The following ACADL variants were observed in gnomAD, a reference collection of about 807,000 sequenced individuals.
ACADL encodes the protein acyl-CoA dehydrogenase long chain, also known as long-chain specific acyl-CoA dehydrogenase, mitochondrial.
Under a neutral mutation model 56.9 loss-of-function variants are expected in ACADL, and 60 were observed. The observed-to-expected ratio is 1.05, with a 90% CI of 0.86 to 1.31. The LOEUF is 1.31. Ranked by LOEUF, ACADL falls within the 50% of genes most tolerant of loss-of-function variation. ACADL has a pLI of 0.00. For missense variants in ACADL, 484 were observed against 525.5 expected (o/e 0.92, Z 0.77); for synonymous variants, 158 against 179.7 (o/e 0.88, Z 0.97).
rs1344244041 is a variant in ACADL at position 210,195,333 on chromosome 2, C to T, written c.990G>A (p.Val330=). 15 of 1,611,876 alleles carry T rather than the reference C, an allele frequency of 9.3e-6. No individual in the cohort carries two copies. Among genetic ancestry groups the T allele is most frequent in the Non-Finnish European group, 1.3e-5 (15 of 1,178,214 alleles). Reference sequence around the variant, plus strand: ...TTTTTAATTCTGCTAATTTATGTTGCACTGTCTTGAATTTAAAGGAAATAA... The same window carrying T: ...TTTTTAATTCTGCTAATTTATGTTGTACTGTCTTGAATTTAAAGGAAATAA... The part of the protein sequence containing the change: ...FGKTVAHLQT[V]QHKLAELKTH... Residue 330 remains valine, a synonymous_variant, in exon 9 of 11, where the codon GTG becomes GTA. Transcript: ENST00000233710.
At chr2:210,213,832 A>T (rs1689028641) in intron 4 of ACADL, among the ~76,000 whole-genome samples, 1 of 152,138 alleles carries the variant, frequency 6.6e-6, no homozygotes, top group African/African-American at 2.4e-5. Context: ...TTTCCTTCTT[A>T]TACAGAAATC....
chr2:210,219,361 G>T (rs1689139737), intron 2 of ACADL, among the ~76,000 whole-genome samples: 1 of 152,168 alleles, frequency 6.6e-6, no homozygotes, highest in South Asian at 2.1e-4. Context: ...CACTTTGGGA[G>T]GCTAAGGCAG....
At chr2:210,215,708 G>A (rs147667740) in intron 4 of ACADL, among the ~76,000 whole-genome samples, 379 of 152,144 alleles carry the variant, frequency 2.5e-3, no homozygotes, top group African/African-American at 8.8e-3. Context: ...ATCTAAATTC[G>A]TTTTTCCCTA....
chr2:210,207,472 T>G (rs1688905670), intron 5 of ACADL, among the ~76,000 whole-genome samples: 2 of 152,134 alleles, frequency 1.3e-5, no homozygotes, highest in African/African-American at 4.8e-5. Flanking sequence ...CCTATGAGTC[T>G]TTGAAAATCT....
chr2:210,211,298 T>A (rs1018764839), intron 4 of ACADL, among the ~76,000 whole-genome samples: 1 of 152,210 alleles, frequency 6.6e-6, no homozygotes, highest in Non-Finnish European at 1.5e-5. Flanking sequence ...AATAATCCCC[T>A]ATTGTTAAAA....
chr2:210,190,916 G>GT (rs1262473281), intron 10 of ACADL, among the ~76,000 whole-genome samples: 1 of 110,162 alleles, frequency 9.1e-6, no homozygotes, highest in Non-Finnish European at 1.8e-5. Context: ...TGTTGTTGTT[G>GT]TTGTTTGTTT....
chr2:210,203,302 C>A (rs1367261646), intron 8 of ACADL, 29 bp downstream of exon 8: 4 of 1,469,622 alleles, frequency 2.7e-6, no homozygotes, highest in Non-Finnish European at 3.8e-6. Flanking sequence ...CTGATACCAT[C>A]TAATACTAAA....
At chr2:210,216,017 C>T (rs113138672) in intron 4 of ACADL, among the ~76,000 whole-genome samples, 79 of 152,288 alleles carry the variant, frequency 5.2e-4, no homozygotes, top group African/African-American at 1.9e-3. Context: ...CCTATTGCTA[C>T]TCCATCCTTG....
At chr2:210,219,820 CAT>C (rs1375862055) in intron 2 of ACADL, among the ~76,000 whole-genome samples, 18 of 151,892 alleles carry the variant, frequency 1.2e-4, no homozygotes, top group Non-Finnish European at 2.9e-5. Flanking sequence ...TAATATATTA[CAT>C]GAGTTATTTA....
At chr2:210,216,576 A>G in intron 3 of ACADL, 65 bp from the exon 4 acceptor site, 2 of 1,439,978 alleles carry the variant, frequency 1.4e-6, no homozygotes, top group South Asian at 2.4e-5. Flanking sequence ...TATTATAACA[A>G]CAATGTATTA....
chr2:210,225,117 C>A, intron 1 of ACADL, 70 bp downstream of exon 1: 2 of 1,525,784 alleles, frequency 1.3e-6, no homozygotes, highest in Non-Finnish European at 1.7e-6. Context: ...AAGCCAGCGA[C>A]AGGAGTGACT....
chr2:210,188,819 A>G lies in ACADL; in HGVS notation c.*142T>C, dbSNP rs539854495. Reference sequence around the variant, plus strand: ...TTTGTCCTTCCACTGTGTTAATCTTATATTTATATTTTATTTCCTTCTCTA... The same window carrying G: ...TTTGTCCTTCCACTGTGTTAATCTTGTATTTATATTTTATTTCCTTCTCTA... On this transcript the variant is annotated 3_prime_UTR_variant, in exon 11 of 11. Coordinates refer to ENST00000233710, the MANE Select transcript of ACADL (RefSeq NM_001608.4). 3 of 675,052 alleles carry G rather than the reference A, an allele frequency of 4.4e-6. No homozygotes were observed. The highest frequency in any genetic ancestry group is 2.9e-5 in the East Asian group (1 of 34,874). 41.8% of individuals were successfully genotyped at this position (675,052 alleles called of 1,614,324 possible).
chr2:210,225,076 ACT>A, intron 1 of ACADL, 109 bp downstream of exon 1: 1 of 1,509,120 alleles, frequency 6.6e-7, no homozygotes, highest in Non-Finnish European at 8.8e-7. Context: ...GTTGGGGAGC[ACT>A]CCCAGCCGCG....
At chr2:210,206,251 A>G (rs764603002) in intron 5 of ACADL, among the ~76,000 whole-genome samples, 2 of 152,152 alleles carry the variant, frequency 1.3e-5, no homozygotes, top group Non-Finnish European at 2.9e-5. Flanking sequence ...CAGCCTTGCC[A>G]AAATAGTAGA....
At chr2:210,224,075 G>T (rs2125720631) in intron 1 of ACADL, among the ~76,000 whole-genome samples, 1 of 152,048 alleles carries the variant, frequency 6.6e-6, no homozygotes, top group Non-Finnish European at 1.5e-5. Context: ...AAAAAGATCA[G>T]CCGGGTGTGG....
chr2:210,192,913 A>G (rs1217656364), intron 9 of ACADL, 23 bp from the exon 10 acceptor site: 2 of 1,586,690 alleles, frequency 1.3e-6, no homozygotes, highest in Non-Finnish European at 8.7e-7. Context: ...AATAAAAGGC[A>G]GAAAAGAAAT....
Position 210,205,625 on chromosome 2 carries a change from C to T in ACADL, c.768+7G>A, listed in dbSNP as rs1688873745. 1 of 1,612,986 alleles carries T rather than the reference C, an allele frequency of 6.2e-7. No homozygotes were observed. ...AGTATCTGAATATGATTTACATTAT[C>T]ACTCACCTGGGCTTTTAATCCCATT... On this transcript the variant is annotated splice_region_variant and intron_variant, in intron 6 of 10. Transcript: ENST00000233710.
Position 210,188,910 on chromosome 2 carries a change from A to C in ACADL, c.*51T>G, listed in dbSNP as rs768829914. On this transcript the variant is annotated 3_prime_UTR_variant, in exon 11 of 11. Coordinates refer to ENST00000233710, the MANE Select transcript of ACADL (RefSeq NM_001608.4). ...TTCCAAGTTACATTTTATCTTGAGC[A>C]GATTTAAAACGAGATTAGCTGTAAT... The C allele has an allele frequency of 7.7e-7, 1 of 1,290,702 alleles. No individual in the cohort carries two copies. The highest frequency in any genetic ancestry group is 1.2e-5 in the South Asian group (1 of 84,598). The allele number at this position is 1,290,702 out of a possible 1,614,324, so 80.0% of individuals were successfully genotyped here. A position where few individuals can be genotyped will look rare whatever the true frequency, so the allele number is the denominator to read the frequency against.
intron 6 of ACADL, 96 bp from the exon 7 acceptor site, chr2:210,204,778 C>A (rs1256719870): frequency 1.8e-5 from 19 of 1,071,330 alleles, no homozygotes; most frequent in East Asian, 2.5e-5. Context: ...TCCAAAAAAA[C>A]AAAACACAAA....
Sources: allele counts gnomAD v4.1 joint callset (sites outside exome capture counted in the v4.1 genomes callset), GRCh38; gene constraint gnomAD v4.1.1; transcripts MANE v1.5; gene names NCBI Gene and HGNC (gene_info 2026-07-23, HGNC 2026-07-21).